DLG5: variants seen among roughly 807,000 people sequenced by gnomAD.
DLG5 encodes disks large homolog 5.
Under a neutral mutation model 189.8 loss-of-function variants are expected in DLG5, and 48 were observed. That is an observed-to-expected ratio of 0.25 (90% CI 0.20 to 0.32). The LOEUF (loss-of-function observed/expected upper bound fraction) is 0.32. Among genes scored for constraint, DLG5 ranks in the 10% least tolerant of loss-of-function variants. The pLI is 1.00. For synonymous variants in DLG5, 1,016 were observed against 1,054.1 expected (o/e 0.96, Z 0.70); for missense variants, 2,160 against 2,544.7 (o/e 0.85, Z 3.25).
rs774645933 is a variant in DLG5 at position 77,821,144 on chromosome 10, T to C, written c.3340A>G (p.Lys1114Glu). ...DELGQKRRRP[K>E]SAPSFRPKLA... ...TTCGGCCGAAAACTGGGAGCAGATT[T>C]TGGCCGGCGACGCTTCTGCCCCAGC... The change falls in exon 15 of 32, where the codon AAA becomes GAA. Residue 1114 changes from lysine to glutamate, a missense_variant. This residue lies in a region of DLG5 where 754 missense variants were observed against 746.5 expected (regional missense o/e 1.01). Transcript: ENST00000372391. 1 of 1,614,114 alleles carries C rather than the reference T, an allele frequency of 6.2e-7. No individual in the cohort carries two copies. Among genetic ancestry groups the C allele is most frequent in the East Asian group, 2.2e-5 (1 of 44,874 alleles).
At chr10:77,931,338 C>G (rs971568464), upstream of DLG5, among the ~76,000 whole-genome samples, 4 of 152,022 alleles carry the variant, frequency 2.6e-5, no homozygotes, top group African/African-American at 9.7e-5. Context: ...ACTACAGCCT[C>G]TAACTCCTCA....
intron 1 of DLG5, among the ~76,000 whole-genome samples, chr10:77,923,712 TG>T (rs1280452864): frequency 6.6e-6 from 1 of 152,248 alleles, no homozygotes; most frequent in East Asian, 1.9e-4. Context: ...GAGCCGAGAT[TG>T]TGCCACTGCA....
intron 1 of DLG5, among the ~76,000 whole-genome samples, chr10:77,910,753 C>G (rs1257600812): frequency 2.0e-5 from 3 of 152,130 alleles, no homozygotes; most frequent in African/African-American, 4.8e-5. Context: ...AGGTGGATCA[C>G]CTGAAGTCAG....
chr10:77,857,543 G>T (rs2154576783), intron 2 of DLG5, among the ~76,000 whole-genome samples: 1 of 152,258 alleles, frequency 6.6e-6, no homozygotes, highest in African/African-American at 2.4e-5. Flanking sequence ...ATTCAAGTTG[G>T]TCCTGATGCC....
Position 77,796,555 on chromosome 10 carries a change from T to C in DLG5, c.5204A>G (p.Asp1735Gly), listed in dbSNP as rs754889898. 2.0e-5 allele frequency: 33 copies of C among 1,613,952 alleles called. No individual in the cohort carries two copies. The change falls in exon 28 of 32, where the codon GAC becomes GGC. Residue 1735 changes from aspartate (D) to glycine (G), a missense_variant. By Grantham distance (94) the Asp-to-Gly change is moderately conservative. This residue lies in a region of DLG5 where 574 missense variants were observed against 644.2 expected (regional missense o/e 0.89). Transcript: ENST00000372391. The surrounding 1 kb of genome is among the most constrained non-coding windows in gnomAD (Gnocchi z 5.2). ...CAGGACAGGCCTCAGAGCGGTGCAG[T>C]CCACCTTCTGGACCCGCTGATAGGC... ...SLAYQRVQKV[D>G]CTALRPVLIL...
At chr10:77,817,190 G>T in intron 18 of DLG5, 94 bp from the exon 19 acceptor site, 1 of 1,120,938 alleles carries the variant, frequency 8.9e-7, no homozygotes, top group Non-Finnish European at 1.4e-6. Context: ...GATAATAAAT[G>T]CAAAGCTGGG....
intron 2 of DLG5, among the ~76,000 whole-genome samples, chr10:77,864,342 C>G (rs1000172475): frequency 3.3e-5 from 5 of 152,236 alleles, no homozygotes; most frequent in African/African-American, 1.2e-4. Flanking sequence ...CAGGCCCTGG[C>G]TGCCCGGGAG....
the DLG5 span, among the ~76,000 whole-genome samples, chr10:77,935,934 G>C: frequency 1.3e-5 from 2 of 152,012 alleles, no homozygotes; most frequent in East Asian, 3.9e-4. Context: ...ACTCCCCCAG[G>C]ATGCTGAAAA....
At chr10:77,865,345 G>A (rs1844632762) in intron 2 of DLG5, among the ~76,000 whole-genome samples, 1 of 152,122 alleles carries the variant, frequency 6.6e-6, no homozygotes, top group Non-Finnish European at 1.5e-5. Context: ...GGCGTCAGTG[G>A]CAGCCCCCAC....
intron 1 of DLG5, among the ~76,000 whole-genome samples, chr10:77,903,630 C>CAA (rs574454210): frequency 0.066 from 3,871 of 58,640 alleles, 110 homozygotes; most frequent in Non-Finnish European, 0.12. Flanking sequence ...AACTCCATCT[C>CAA]AAAAAAAAAA....
chr10:77,916,448 C>T (rs1269668615), intron 1 of DLG5, among the ~76,000 whole-genome samples: 4 of 151,732 alleles, frequency 2.6e-5, no homozygotes, highest in African/African-American at 4.8e-5. Flanking sequence ...ACAACCACCA[C>T]GCCCGGCTAA....
At position 77,812,038 on chromosome 10, in the gene DLG5, C is replaced by T; in HGVS notation, c.4208G>A (p.Arg1403Gln). 6.2e-7 allele frequency: 1 copy of T among 1,610,658 alleles called. No homozygotes were observed. Among genetic ancestry groups the T allele is most frequent in the Non-Finnish European group, 8.5e-7 (1 of 1,179,996 alleles). The change falls in exon 22 of 32, where the codon CGG becomes CAG. Residue 1403 changes from arginine (R) to glutamine (Q), a missense_variant. By Grantham distance (43) the Arg-to-Gln change is conservative. This residue lies in a region of DLG5 where 61 missense variants were observed against 101.0 expected (regional missense o/e 0.60). Coordinates refer to ENST00000372391, the MANE Select transcript of DLG5 (RefSeq NM_004747.4). The part of the protein sequence containing the change: ...QLLEFNGINL[R>Q]SATEQQARLI... ...CCGCGCCTGCTGCTCCGTGGCGCTCCGCAGGTTTATGCCGTTGAACTGGGG... is the reference window on the plus strand; with the variant it reads ...CCGCGCCTGCTGCTCCGTGGCGCTCTGCAGGTTTATGCCGTTGAACTGGGG...
chr10:77,836,917 A>G (rs7084705), intron 7 of DLG5, among the ~76,000 whole-genome samples: 56,041 of 151,790 alleles, frequency 0.37, 10,869 homozygotes, highest in African/African-American at 0.48. Flanking sequence ...TTTCATTTTA[A>G]AAAGAATTAT....
At position 77,857,786 on chromosome 10, in the gene DLG5, C is replaced by T. The variant is rs968789503; in HGVS notation, c.374-894G>A. On this transcript the variant is annotated intron_variant, in intron 2 of 31. Coordinates refer to ENST00000372391, the MANE Select transcript of DLG5 (RefSeq NM_004747.4). ...TATGTCTACCTGATATCTCAATCAA[C>T]CCTTAGAGACCCTTGTTGGGGTCAG... Among the ~76,000 whole-genome samples, 69 of 152,210 alleles carry T rather than the reference C, an allele frequency of 4.5e-4. 1 individual carries two copies. The highest frequency in any genetic ancestry group is 7.9e-4 in the Non-Finnish European group (54 of 68,044).
At chr10:77,899,198 C>T (rs1322040540) in intron 1 of DLG5, among the ~76,000 whole-genome samples, 1 of 152,176 alleles carries the variant, frequency 6.6e-6, no homozygotes, top group Admixed American at 6.5e-5. Context: ...GGCCAGGCAG[C>T]CATCCAGGCC....
At chr10:77,795,705 T>A (rs574069426) in intron 29 of DLG5, among the ~76,000 whole-genome samples, 9 of 151,900 alleles carry the variant, frequency 5.9e-5, no homozygotes, top group African/African-American at 2.2e-4. Flanking sequence ...AGAAGGTGCA[T>A]GTGAAATTGT....
At chr10:77,872,982 G>A (rs1029773380) in intron 1 of DLG5, among the ~76,000 whole-genome samples, 7 of 150,698 alleles carry the variant, frequency 4.6e-5, no homozygotes, top group Admixed American at 6.6e-5. Flanking sequence ...GAGTGCCCAG[G>A]GCTAAGGGGG....
intron 1 of DLG5, among the ~76,000 whole-genome samples, chr10:77,880,135 T>C (rs60677937): frequency 5.9e-5 from 9 of 151,818 alleles, no homozygotes; most frequent in Non-Finnish European, 1.2e-4. Context: ...GGTAGTGAGA[T>C]GGGAGAGTCG....
rs768276778 is a variant in DLG5, at chr10:77,853,353, CCTG to C, written c.862_864del (p.Gln288del). On this transcript the variant is annotated inframe_deletion and splice_region_variant, in exon 5 of 32. Coordinates refer to ENST00000372391, the MANE Select transcript of DLG5 (RefSeq NM_004747.4). ...GGCCAGTCTCCAGGGGCTGGGCCTA[CCTG>C]CTGCTGCTGGGCACGGAGGTCACCG... 40 of 1,531,660 alleles carry C rather than the reference CCTG, an allele frequency of 2.6e-5. No homozygotes were observed. The highest frequency in any genetic ancestry group is 6.2e-5 in the South Asian group (5 of 81,034). 94.9% of individuals were successfully genotyped at this position (1,531,660 alleles called of 1,614,324 possible). A position where few individuals can be genotyped will look rare whatever the true frequency, so the allele number is the denominator to read the frequency against.
Sources: allele counts gnomAD v4.1 joint callset (sites outside exome capture counted in the v4.1 genomes callset), GRCh38; gene constraint gnomAD v4.1.1; regional missense constraint gnomAD v4.1.1; non-coding constraint Gnocchi (gnomAD v3.1); transcripts MANE v1.5; gene names NCBI Gene and HGNC (gene_info 2026-07-23, HGNC 2026-07-21).